Variants in FAM227B observed in about 807,000 individuals in gnomAD.
FAM227B encodes the protein family with sequence similarity 227 member B.
In FAM227B, 88 loss-of-function variants were observed where a neutral mutation model predicts 73.8. That is an observed-to-expected ratio of 1.19 (90% CI 1.00 to 1.42). The LOEUF (loss-of-function observed/expected upper bound fraction) is 1.42, where lower values mean the gene tolerates loss of function less well. Among genes scored for constraint, FAM227B ranks in the 40% most tolerant of loss-of-function variants. The pLI, the probability that FAM227B is intolerant of heterozygous loss-of-function variation, is 0.00. For missense variants in FAM227B, 632 were observed against 590.9 expected (o/e 1.07, Z -0.72); for synonymous variants, 210 against 190.5 (o/e 1.10, Z -0.84).
chr15:49,620,633 T>C (rs16962663), intron 1 of FAM227B, 67 bp downstream of exon 1: 12,095 of 152,266 alleles, frequency 0.079, 1,325 homozygotes, highest in African/African-American at 0.25. Flanking sequence ...GTTCTCACAA[T>C]CAAAATATCT....
Position 49,328,266 on chromosome 15 carries a change from G to A in FAM227B, c.*302C>T, listed in dbSNP as rs1567072075. The A allele has an allele frequency of 8.2e-6, 12 of 1,455,182 alleles. No individual in the cohort carries two copies. The highest frequency in any genetic ancestry group is 3.0e-5 in the South Asian group (2 of 67,278). 90.1% of individuals were successfully genotyped at this position (1,455,182 alleles called of 1,614,324 possible). On this transcript the variant is annotated 3_prime_UTR_variant, in exon 16 of 16. Coordinates refer to ENST00000299338, the MANE Select transcript of FAM227B (RefSeq NM_152647.3). ...CCTTCTGTTTTGTATTATGATGAAC[G>A]GTTGCTATTATATCAAGATATATTT...
intron 9 of FAM227B, among the ~76,000 whole-genome samples, chr15:49,544,787 G>C (rs1463718709): frequency 1.3e-5 from 2 of 151,976 alleles, no homozygotes; most frequent in South Asian, 2.1e-4. Context: ...TTTTGTTTTT[G>C]TGATGTATCA....
intron 11 of FAM227B, among the ~76,000 whole-genome samples, chr15:49,450,046 T>C (rs568019629): frequency 9.2e-5 from 14 of 152,226 alleles, no homozygotes; most frequent in African/African-American, 2.9e-4. Context: ...GGATCAGCAA[T>C]GCATGTGCCA....
At chr15:49,493,888 A>AAATATGTG in intron 11 of FAM227B, among the ~76,000 whole-genome samples, 1 of 148,918 alleles carries the variant, frequency 6.7e-6, no homozygotes, top group African/African-American at 2.5e-5. Context: ...ATATATATAT[A>AAATATGTG]TGTGTGTGTG....
chr15:49,447,923 C>G (rs1461802874), intron 11 of FAM227B, among the ~76,000 whole-genome samples: 1 of 151,656 alleles, frequency 6.6e-6, no homozygotes. Flanking sequence ...AATCCTCAGG[C>G]TCGTGTCCTT....
chr15:49,583,202 T>C (rs1391010271), intron 5 of FAM227B, among the ~76,000 whole-genome samples: 2 of 126,270 alleles, frequency 1.6e-5, no homozygotes, highest in African/African-American at 5.2e-5. Context: ...CCCGTATTTG[T>C]TTTTTTTTTT....
At chr15:49,352,374 G>A (rs368371943) in intron 13 of FAM227B, among the ~76,000 whole-genome samples, 81 of 152,288 alleles carry the variant, frequency 5.3e-4, no homozygotes, top group African/African-American at 1.8e-3. Flanking sequence ...AGGAGCATGT[G>A]GGAAGGGCAA....
intron 3 of FAM227B, among the ~76,000 whole-genome samples, chr15:49,599,381 A>G (rs1160953794): frequency 6.6e-6 from 1 of 151,878 alleles, no homozygotes; most frequent in Non-Finnish European, 1.5e-5. Context: ...TAATCTTTTC[A>G]GAAAACACAA....
At chr15:49,600,335 G>A (rs1204960450) in intron 3 of FAM227B, among the ~76,000 whole-genome samples, 1 of 150,700 alleles carries the variant, frequency 6.6e-6, no homozygotes, top group African/African-American at 2.4e-5. Context: ...GCAGCATATA[G>A]CTGTTTCTTT....
intron 11 of FAM227B, among the ~76,000 whole-genome samples, chr15:49,423,670 C>A (rs1035511489): frequency 5.9e-5 from 9 of 152,050 alleles, no homozygotes; most frequent in African/African-American, 7.2e-5. Flanking sequence ...TGATTAACCA[C>A]AAATGTAAAA....
intron 8 of FAM227B, among the ~76,000 whole-genome samples, chr15:49,570,100 T>A (rs987292314): frequency 6.6e-6 from 1 of 151,976 alleles, no homozygotes; most frequent in Non-Finnish European, 1.5e-5. Context: ...AACGTGGAAA[T>A]AGAGTTATGT....
chr15:49,468,456 G>A (rs1251410719), intron 11 of FAM227B, among the ~76,000 whole-genome samples: 1 of 152,044 alleles, frequency 6.6e-6, no homozygotes, highest in East Asian at 1.9e-4. Flanking sequence ...GTATTCCAAG[G>A]TTCTGACTTA....
chr15:49,341,066 A>G (rs751242511), intron 13 of FAM227B, among the ~76,000 whole-genome samples: 69 of 152,154 alleles, frequency 4.5e-4, no homozygotes, highest in Non-Finnish European at 7.9e-4. Context: ...TGGAGATCAC[A>G]TAGTTATAGG....
chr15:49,615,017 G>T, intron 2 of FAM227B, 104 bp downstream of exon 2: 1 of 1,008,162 alleles, frequency 9.9e-7, no homozygotes, highest in Non-Finnish European at 1.6e-6. Flanking sequence ...AACCCTTGGT[G>T]TTTCAGTGAC....
intron 11 of FAM227B, among the ~76,000 whole-genome samples, chr15:49,457,749 T>G (rs1043850645): frequency 6.6e-6 from 1 of 151,904 alleles, no homozygotes; most frequent in Admixed American, 6.6e-5. Context: ...GAGGCTTTAT[T>G]TAGTATATTT....
intron 8 of FAM227B, among the ~76,000 whole-genome samples, chr15:49,571,699 G>A (rs1000969585): frequency 6.6e-5 from 10 of 151,772 alleles, no homozygotes; most frequent in South Asian, 2.1e-4. Flanking sequence ...TGTTCTATGC[G>A]TATATGTGTC....
chr15:49,327,203 G>A lies in FAM227B; in HGVS notation c.*1365C>T, dbSNP rs8031480. On this transcript the variant is annotated 3_prime_UTR_variant, in exon 16 of 16. Transcript: ENST00000299338. ...CTGTGTGGTCCTTTATATAGTTGTTGTCATCCCAATCAGATATATCTCATC... is the reference window on the plus strand; with the variant it reads ...CTGTGTGGTCCTTTATATAGTTGTTATCATCCCAATCAGATATATCTCATC... The A allele has an allele frequency of 0.41, 61,768 of 151,960 alleles. 12,737 individuals carry two copies. The highest frequency in any genetic ancestry group is 0.43 in the African/African-American group (17,656 of 41,428). 9.4% of individuals were successfully genotyped at this position (151,960 alleles called of 1,614,324 possible).
In FAM227B at chr15:49,328,483, C is replaced by T; in HGVS notation, c.*85G>A. ...CTTAATACTGATTACATGGATTGGA[C>T]TTGAATTAAATATATTGTTACAATT... On this transcript the variant is annotated 3_prime_UTR_variant, in exon 16 of 16. Transcript: ENST00000299338. 1.3e-6 allele frequency: 2 copies of T among 1,554,690 alleles called. No individual in the cohort carries two copies. The highest frequency in any genetic ancestry group is 2.5e-5 in the South Asian group (2 of 81,198).
chr15:49,385,700 T>C (rs1420003809), intron 11 of FAM227B, among the ~76,000 whole-genome samples: 1 of 150,756 alleles, frequency 6.6e-6, no homozygotes, highest in Non-Finnish European at 1.5e-5. Context: ...ACTTAAAAGA[T>C]ACAGAATGGC....
Sources: gnomAD v4.1 joint callset for allele counts (sites outside exome capture counted in the v4.1 genomes callset) on GRCh38, gnomAD v4.1.1 for gene constraint, MANE v1.5 for transcripts, NCBI Gene and HGNC (gene_info 2026-07-23, HGNC 2026-07-21) for gene names.